Variants in GMDS observed in about 807,000 individuals in gnomAD.
GMDS encodes the protein GDP-mannose 4,6 dehydratase.
Under a neutral mutation model 49.9 loss-of-function variants are expected in GMDS, and 20 were observed. That is an observed-to-expected ratio of 0.40 (90% confidence interval 0.28 to 0.58). The LOEUF (loss-of-function observed/expected upper bound fraction) is 0.58, where lower values mean the gene tolerates loss of function less well. Among genes scored for constraint, GMDS ranks in the 20% least tolerant of loss-of-function variants. The pLI, the probability that GMDS is intolerant of heterozygous loss-of-function variation, is 0.42. For synonymous variants in GMDS, 177 were observed against 178.6 expected, an observed-to-expected ratio of 0.99 and a Z score of 0.07; for missense variants, 362 against 481.4, an observed-to-expected ratio of 0.75 and a Z score of 2.32.
At chr6:2,113,280 A>T (rs1774652489) in intron 4 of GMDS, among the ~76,000 whole-genome samples, 1 of 151,928 alleles carries the variant, frequency 6.6e-6, no homozygotes, top group Non-Finnish European at 1.5e-5. Flanking sequence ...ATCCTGTTTC[A>T]TTCCTCACTC....
chr6:1,932,662 C>T (rs961080826), intron 6 of GMDS, among the ~76,000 whole-genome samples: 43 of 151,604 alleles, frequency 2.8e-4, no homozygotes, highest in Non-Finnish European at 6.2e-4. Context: ...CTCAGCCTCC[C>T]GAAAAGCTGG....
intron 1 of GMDS, among the ~76,000 whole-genome samples, chr6:2,222,678 G>A (rs1419143235): frequency 1.3e-5 from 2 of 152,186 alleles, no homozygotes; most frequent in Non-Finnish European, 2.9e-5. Context: ...GCTGAGAGTG[G>A]AGCACAGGAT....
At chr6:2,106,398 T>C (rs1001283297) in intron 4 of GMDS, among the ~76,000 whole-genome samples, 1 of 152,190 alleles carries the variant, frequency 6.6e-6, no homozygotes. Flanking sequence ...AAGGATAAAG[T>C]AGAAATCATA....
chr6:1,990,112 C>T (rs973474918), intron 4 of GMDS, among the ~76,000 whole-genome samples: 1 of 152,080 alleles, frequency 6.6e-6, no homozygotes, highest in Non-Finnish European at 1.5e-5. Flanking sequence ...TTGGCTAATA[C>T]AGTGAAACCC....
intron 4 of GMDS, chr6:2,043,563 T>G (rs1443650708): frequency 6.6e-6 from 1 of 152,190 alleles, no homozygotes; most frequent in African/African-American, 2.4e-5. Context: ...ATTTGGATAT[T>G]TTGAATTAAA....
chr6:1,903,861 G>C (rs1760624787), intron 7 of GMDS, among the ~76,000 whole-genome samples: 1 of 152,150 alleles, frequency 6.6e-6, no homozygotes, highest in Non-Finnish European at 1.5e-5. Flanking sequence ...AACCTGGGGA[G>C]ATGCAGCCAC....
chr6:2,080,470 G>T (rs548935870), intron 4 of GMDS, among the ~76,000 whole-genome samples: 9 of 152,122 alleles, frequency 5.9e-5, no homozygotes, highest in Non-Finnish European at 1.2e-4. Context: ...CTTTAACAGG[G>T]GAGGGCATTG....
chr6:2,031,334 C>A (rs1347305378), intron 4 of GMDS, among the ~76,000 whole-genome samples: 1 of 152,146 alleles, frequency 6.6e-6, no homozygotes, highest in Non-Finnish European at 1.5e-5. Flanking sequence ...GTTTCCCAAC[C>A]TCTTCTGTGT....
intron 4 of GMDS, among the ~76,000 whole-genome samples, chr6:1,964,359 T>C (rs1490015605): frequency 6.6e-6 from 1 of 152,198 alleles, no homozygotes; most frequent in Non-Finnish European, 1.5e-5. Context: ...CAAGAAGGAA[T>C]AGCTAGTATT....
At chr6:2,029,040 G>A (rs930175530) in intron 4 of GMDS, among the ~76,000 whole-genome samples, 2 of 150,054 alleles carry the variant, frequency 1.3e-5, no homozygotes, top group African/African-American at 4.9e-5. Context: ...CAGAAATTAA[G>A]ACCTTTACCA....
chr6:1,959,101 T>A (rs943979194), intron 6 of GMDS, among the ~76,000 whole-genome samples: 1 of 152,174 alleles, frequency 6.6e-6, no homozygotes. Context: ...GAGTGGGGAA[T>A]AAGGGGAGAT....
At chr6:1,790,491 A>G (rs1435481977) in intron 7 of GMDS, among the ~76,000 whole-genome samples, 1 of 152,264 alleles carries the variant, frequency 6.6e-6, no homozygotes, top group Admixed American at 6.5e-5. Context: ...TAGCACCTAA[A>G]CTCGTAGCTG....
intron 4 of GMDS, among the ~76,000 whole-genome samples, chr6:2,113,048 G>A (rs901048004): frequency 6.6e-6 from 1 of 152,146 alleles, no homozygotes; most frequent in African/African-American, 2.4e-5. Flanking sequence ...CATATTTGAA[G>A]CTACCTTATA....
intron 8 of GMDS, among the ~76,000 whole-genome samples, chr6:1,740,235 T>C (rs1021960903): frequency 1.1e-4 from 16 of 152,374 alleles, no homozygotes; most frequent in Middle Eastern, 3.4e-3. Context: ...GTGGCAGATA[T>C]TAATTTCTGC....
chr6:2,164,016 C>G (rs762409418), intron 1 of GMDS, among the ~76,000 whole-genome samples: 40 of 152,302 alleles, frequency 2.6e-4, no homozygotes, highest in Non-Finnish European at 2.2e-4. Context: ...TCCTAATAAG[C>G]CTTTGAATCC....
At chr6:1,670,051 G>A (rs1357633589) in intron 9 of GMDS, among the ~76,000 whole-genome samples, 1 of 151,908 alleles carries the variant, frequency 6.6e-6, no homozygotes, top group Non-Finnish European at 1.5e-5. Flanking sequence ...ACATCTTGGT[G>A]TCACAAACGA....
chr6:2,060,584 G>A (rs1456395749), intron 4 of GMDS, among the ~76,000 whole-genome samples: 1 of 152,084 alleles, frequency 6.6e-6, no homozygotes, highest in Non-Finnish European at 1.5e-5. Context: ...ACTTTAGTGT[G>A]GGAAGAATAA....
chr6:2,026,683 C>T (rs1361463405), intron 4 of GMDS, among the ~76,000 whole-genome samples: 2 of 152,188 alleles, frequency 1.3e-5, no homozygotes, highest in Non-Finnish European at 2.9e-5. Context: ...GGGAATTCCT[C>T]CCAGTGCCTG....
At chr6:2,230,309 C>T (rs1430736247) in intron 1 of GMDS, among the ~76,000 whole-genome samples, 4 of 152,104 alleles carry the variant, frequency 2.6e-5, no homozygotes, top group African/African-American at 7.2e-5. Flanking sequence ...TTTTCTGAAA[C>T]GTATATTTAA....
Sources: allele counts gnomAD v4.1 joint callset (sites outside exome capture counted in the v4.1 genomes callset), GRCh38; gene constraint gnomAD v4.1.1; transcripts MANE v1.5; gene names NCBI Gene and HGNC (gene_info 2026-07-23, HGNC 2026-07-21).